The following POU2AF2 variants were observed in gnomAD, a reference collection of about 807,000 sequenced individuals.
POU2AF2 encodes POU domain class 2-associating factor 2.
chr11:111,271,203 AT>A, the POU2AF2 span, among the ~76,000 whole-genome samples: 2 of 151,966 alleles, frequency 1.3e-5, no homozygotes, highest in Admixed American at 1.3e-4. Flanking sequence ...GATGCCTGTA[AT>A]TCCAGCCACT....
At chr11:111,276,965 T>C in the POU2AF2 span, among the ~76,000 whole-genome samples, 1 of 152,212 alleles carries the variant, frequency 6.6e-6, no homozygotes, top group Non-Finnish European at 1.5e-5. Context: ...AAGCAAATGG[T>C]AGACATTTGA....
the POU2AF2 span, among the ~76,000 whole-genome samples, chr11:111,282,141 C>T: frequency 6.6e-6 from 1 of 151,986 alleles, no homozygotes; most frequent in Admixed American, 6.6e-5. Context: ...TTCTCTTTAT[C>T]TAGAAATTAT....
the POU2AF2 span, among the ~76,000 whole-genome samples, chr11:111,272,913 C>T: frequency 7.2e-5 from 11 of 152,174 alleles, no homozygotes; most frequent in Non-Finnish European, 1.3e-4. Context: ...TTTCTCCTGT[C>T]TGCATCCTCT....
the POU2AF2 span, among the ~76,000 whole-genome samples, chr11:111,272,914 T>C: frequency 6.6e-6 from 1 of 152,200 alleles, no homozygotes; most frequent in East Asian, 1.9e-4. Context: ...TTCTCCTGTC[T>C]GCATCCTCTC....
the POU2AF2 span, among the ~76,000 whole-genome samples, chr11:111,249,120 G>A: frequency 7.2e-4 from 109 of 152,270 alleles, 1 homozygote; most frequent in South Asian, 6.9e-3. Context: ...TTTCTTTCCG[G>A]AAGCACACGT....
At chr11:111,281,125 C>T in the POU2AF2 span, among the ~76,000 whole-genome samples, 4 of 152,138 alleles carry the variant, frequency 2.6e-5, no homozygotes, top group East Asian at 7.7e-4. Context: ...TTAACTGGAA[C>T]AGTAGAAGAT....
chr11:111,275,244 A>G, the POU2AF2 span, among the ~76,000 whole-genome samples: 6 of 152,208 alleles, frequency 3.9e-5, no homozygotes, highest in African/African-American at 1.4e-4. Flanking sequence ...ACAAAACTGG[A>G]TCTTACATAA....
the POU2AF2 span, among the ~76,000 whole-genome samples, chr11:111,280,863 G>A: frequency 6.6e-6 from 1 of 152,186 alleles, no homozygotes; most frequent in Non-Finnish European, 1.5e-5. Flanking sequence ...TGAAGAAGGC[G>A]AAAGAAATTC....
the POU2AF2 span, among the ~76,000 whole-genome samples, chr11:111,253,057 G>C: frequency 6.6e-6 from 1 of 151,932 alleles, no homozygotes; most frequent in Non-Finnish European, 1.5e-5. Flanking sequence ...TTTCTTTCTT[G>C]AAATCTCTTC....
At chr11:111,253,435 G>T in the POU2AF2 span, among the ~76,000 whole-genome samples, 1 of 152,284 alleles carries the variant, frequency 6.6e-6, no homozygotes, top group Non-Finnish European at 1.5e-5. Flanking sequence ...CATCACGATG[G>T]TTCTGAAACT....
At chr11:111,268,771 C>T in the POU2AF2 span, among the ~76,000 whole-genome samples, 1 of 151,940 alleles carries the variant, frequency 6.6e-6, no homozygotes, top group African/African-American at 2.4e-5. Context: ...CGGTCTTGAA[C>T]TCCTGACCTC....
At chr11:111,246,650 T>G in the POU2AF2 span, among the ~76,000 whole-genome samples, 2 of 152,222 alleles carry the variant, frequency 1.3e-5, no homozygotes, top group Non-Finnish European at 2.9e-5. Context: ...ATCTATCTTC[T>G]GCAGCATAAA....
At chr11:111,249,007 G>A in the POU2AF2 span, among the ~76,000 whole-genome samples, 3 of 152,212 alleles carry the variant, frequency 2.0e-5, no homozygotes, top group African/African-American at 2.4e-5. Flanking sequence ...TGACATGACT[G>A]AGACAATTTG....
At chr11:111,284,233 C>G in the POU2AF2 span, 1 of 1,614,232 alleles carries the variant, frequency 6.2e-7, no homozygotes, top group Non-Finnish European at 8.5e-7. Context: ...ATGCGGCTCT[C>G]CTGGAGCCCT....
At chr11:111,281,723 C>T in the POU2AF2 span, among the ~76,000 whole-genome samples, 1 of 152,146 alleles carries the variant, frequency 6.6e-6, no homozygotes, top group Admixed American at 6.5e-5. Flanking sequence ...GTTCTGACAC[C>T]ATGATCTGAT....
chr11:111,268,437 G>A, the POU2AF2 span, among the ~76,000 whole-genome samples: 1 of 151,146 alleles, frequency 6.6e-6, no homozygotes. Context: ...GCATCAGGTG[G>A]CCCAATGTGT....
the POU2AF2 span, among the ~76,000 whole-genome samples, chr11:111,249,093 A>G: frequency 6.6e-6 from 1 of 152,226 alleles, no homozygotes; most frequent in Non-Finnish European, 1.5e-5. Flanking sequence ...GTCGATTCCT[A>G]TTAAATTTGC....
At chr11:111,268,785 T>A in the POU2AF2 span, among the ~76,000 whole-genome samples, 2 of 151,882 alleles carry the variant, frequency 1.3e-5, no homozygotes, top group Non-Finnish European at 2.9e-5. Context: ...TGACCTCAGG[T>A]GATCCACCCG....
At chr11:111,286,034 G>A in the POU2AF2 span, 1 of 1,613,404 alleles carries the variant, frequency 6.2e-7, no homozygotes, top group South Asian at 1.1e-5. Flanking sequence ...GGGGTCATAT[G>A]AATGCCGCAG....
Sources: gnomAD v4.1 joint callset for allele counts (sites outside exome capture counted in the v4.1 genomes callset) on GRCh38, gnomAD v4.1.1 for gene constraint, MANE v1.5 for transcripts, NCBI Gene and HGNC (gene_info 2026-07-23, HGNC 2026-07-21) for gene names.